Variants in AKAIN1 observed in about 807,000 individuals in gnomAD.
AKAIN1 encodes the protein A-kinase anchor protein inhibitor 1.
Under a neutral mutation model 3.7 loss-of-function variants are expected in AKAIN1, and 3 were observed. The ratio of observed to expected loss-of-function variants is 0.82; its 90% confidence interval spans 0.37 to 2.12. AKAIN1 has a LOEUF of 2.12. Ranked by LOEUF, AKAIN1 falls within the 30% of genes most tolerant of loss-of-function variation. The pLI is 0.06. For synonymous variants in AKAIN1, 31 were observed against 30.8 expected (o/e 1.01, Z -0.02); for missense variants, 82 against 82.7 (o/e 0.99, Z 0.03).
intron 1 of AKAIN1, among the ~76,000 whole-genome samples, chr18:5,189,641 C>T (rs2071307819): frequency 6.6e-6 from 1 of 152,138 alleles, no homozygotes; most frequent in African/African-American, 2.4e-5. Context: ...TTTTCAACCC[C>T]TTGTTCTTCA....
intron 1 of AKAIN1, among the ~76,000 whole-genome samples, chr18:5,169,737 T>C (rs2071187233): frequency 6.6e-6 from 1 of 152,148 alleles, no homozygotes; most frequent in Admixed American, 6.6e-5. Context: ...AAAATCTAGA[T>C]AAACTAAAAG....
chr18:5,187,409 A>G (rs766126058), intron 1 of AKAIN1, among the ~76,000 whole-genome samples: 1 of 152,216 alleles, frequency 6.6e-6, no homozygotes, highest in Non-Finnish European at 1.5e-5. Flanking sequence ...TACAAAGAAC[A>G]TAAGTTAATT....
intron 1 of AKAIN1, among the ~76,000 whole-genome samples, chr18:5,163,072 G>A (rs1384308655): frequency 1.3e-5 from 2 of 152,134 alleles, no homozygotes; most frequent in East Asian, 3.9e-4. Flanking sequence ...GTTTCAGGCA[G>A]CCACCCTGTT....
At chr18:5,168,878 AAG>A (rs1491036176) in intron 1 of AKAIN1, among the ~76,000 whole-genome samples, 2,092 of 141,856 alleles carry the variant, frequency 0.015, 43 homozygotes, top group African/African-American at 0.051. Flanking sequence ...AAAAAAAAAA[AAG>A]CAAACAAACA....
intron 1 of AKAIN1, among the ~76,000 whole-genome samples, chr18:5,164,367 T>A (rs1404257269): frequency 6.6e-6 from 1 of 152,022 alleles, no homozygotes; most frequent in Non-Finnish European, 1.5e-5. Context: ...AAGGTTAACA[T>A]AACTTAGGAC....
intron 1 of AKAIN1, among the ~76,000 whole-genome samples, chr18:5,157,028 C>T (rs1033047402): frequency 6.6e-6 from 1 of 152,144 alleles, no homozygotes. Flanking sequence ...GAGTTTTCAC[C>T]ATCAGGAACA....
intron 1 of AKAIN1, among the ~76,000 whole-genome samples, chr18:5,146,546 T>A (rs1366052601): frequency 6.6e-6 from 1 of 152,194 alleles, no homozygotes; most frequent in Non-Finnish European, 1.5e-5. Flanking sequence ...TGAATCCATA[T>A]CAAGGTCAAC....
intron 1 of AKAIN1, among the ~76,000 whole-genome samples, chr18:5,188,645 G>A (rs1276433764): frequency 6.6e-6 from 1 of 152,030 alleles, no homozygotes; most frequent in African/African-American, 2.4e-5. Flanking sequence ...AGACTGCACA[G>A]GGGGATGTCA....
chr18:5,171,117 T>C (rs1190616356), intron 1 of AKAIN1: 1 of 152,166 alleles, frequency 6.6e-6, no homozygotes. Context: ...CAGCATTTTG[T>C]GGTGGGTTGC....
At chr18:5,162,625 C>T (rs1346230366) in intron 1 of AKAIN1, among the ~76,000 whole-genome samples, 5 of 145,776 alleles carry the variant, frequency 3.4e-5, no homozygotes, top group Admixed American at 1.4e-4. Flanking sequence ...CAATGTGATG[C>T]GTGTGTGTGT....
intron 1 of AKAIN1, among the ~76,000 whole-genome samples, chr18:5,191,416 G>T (rs1000788559): frequency 2.0e-5 from 3 of 152,066 alleles, no homozygotes; most frequent in African/African-American, 7.2e-5. Context: ...CCCCCCAAAA[G>T]ATACATTTAG....
intron 1 of AKAIN1, among the ~76,000 whole-genome samples, chr18:5,191,881 T>C (rs897882183): frequency 1.3e-5 from 2 of 152,200 alleles, no homozygotes; most frequent in Non-Finnish European, 2.9e-5. Flanking sequence ...TTCATTCATA[T>C]TTCATATATA....
chr18:5,152,620 A>G (rs1338045360), intron 1 of AKAIN1, among the ~76,000 whole-genome samples: 1 of 152,140 alleles, frequency 6.6e-6, no homozygotes, highest in Non-Finnish European at 1.5e-5. Flanking sequence ...ACAATACCAC[A>G]AAGGGAACTC....
intron 1 of AKAIN1, among the ~76,000 whole-genome samples, chr18:5,178,984 A>T (rs2071241954): frequency 6.6e-6 from 1 of 152,182 alleles, no homozygotes; most frequent in Non-Finnish European, 1.5e-5. Flanking sequence ...CGTATTATTT[A>T]ATAAAAGTCA....
chr18:5,183,593 C>A (rs1489470312), intron 1 of AKAIN1, among the ~76,000 whole-genome samples: 1 of 151,654 alleles, frequency 6.6e-6, no homozygotes, highest in Non-Finnish European at 1.5e-5. Context: ...AAAAAAAAAC[C>A]CAGTGTTGAC....
intron 1 of AKAIN1, among the ~76,000 whole-genome samples, chr18:5,149,373 AC>A (rs1438019127): frequency 6.6e-6 from 1 of 152,162 alleles, no homozygotes; most frequent in Admixed American, 6.5e-5. Context: ...CTCTTCCGTT[AC>A]CTTAAGCTAT....
At chr18:5,173,367 A>G (rs1395139565) in intron 1 of AKAIN1, among the ~76,000 whole-genome samples, 1 of 152,168 alleles carries the variant, frequency 6.6e-6, no homozygotes, top group Non-Finnish European at 1.5e-5. Flanking sequence ...CATTTTCCCC[A>G]TGTCCAAAAA....
intron 1 of AKAIN1, among the ~76,000 whole-genome samples, chr18:5,176,601 T>A (rs551911006): frequency 6.6e-6 from 1 of 152,188 alleles, no homozygotes; most frequent in Non-Finnish European, 1.5e-5. Flanking sequence ...TCCTGAATGT[T>A]TGGTGCCTCC....
At chr18:5,196,267 C>T (rs2071347115) in intron 1 of AKAIN1, among the ~76,000 whole-genome samples, 1 of 152,228 alleles carries the variant, frequency 6.6e-6, no homozygotes. Flanking sequence ...ACAACGACCA[C>T]GCTTTTCCCC....
Sources: gnomAD v4.1 joint callset for allele counts (sites outside exome capture counted in the v4.1 genomes callset) on GRCh38, gnomAD v4.1.1 for gene constraint, MANE v1.5 for transcripts, NCBI Gene and HGNC (gene_info 2026-07-23, HGNC 2026-07-21) for gene names.